Variants in REEP6 observed in about 807,000 individuals in gnomAD.
REEP6 encodes the protein receptor accessory protein 6.
A neutral mutation model predicts 22.4 loss-of-function variants in REEP6; 19 were observed. The observed-to-expected ratio is 0.85, with a 90% CI of 0.59 to 1.25. REEP6 has a LOEUF of 1.25. Ranked by LOEUF, REEP6 falls within the 50% of genes most tolerant of loss-of-function variation. REEP6 has a pLI of 0.00. For synonymous variants in REEP6, 121 were observed against 113.6 expected (o/e 1.06, Z -0.41); for missense variants, 273 against 251.9 (o/e 1.08, Z -0.57).
In REEP6 at chr19:1,491,340, C is replaced by T. The variant is rs1481171337; in HGVS notation, c.71C>T (p.Ala24Val). Residue 24 changes from alanine (A) to valine (V), a missense_variant, in exon 1 of 5, where the codon GCG (alanine) becomes GTG (valine). Transcript: ENST00000233596. This position sits in a 1 kb window ranked among gnomAD's most constrained non-coding sequence, Gnocchi z 5.4. ...QRNLVTEVLGALEAKTGVEKR... is the reference protein window; with the variant it reads ...QRNLVTEVLGVLEAKTGVEKR... ...AACCTGGTCACCGAAGTGCTGGGGG[C>T]GCTGGAGGCCAAGACCGGGGTGGAG... The T allele has an allele frequency of 6.1e-6, 9 of 1,479,744 alleles. No homozygotes were observed. The highest frequency in any genetic ancestry group is 1.5e-5 in the African/African-American group (1 of 67,928). 91.7% of individuals were successfully genotyped at this position (1,479,744 alleles called of 1,614,324 possible). A position where few individuals can be genotyped will look rare whatever the true frequency, so the allele number is the denominator to read the frequency against.
chr19:1,491,279 C>G lies in REEP6; in HGVS notation c.10C>G (p.Leu4Val), dbSNP rs1027951401. Residue 4 changes from leucine (L) to valine (V), a missense_variant, in exon 1 of 5, where the codon CTG becomes GTG. Transcript: ENST00000233596. The surrounding 1 kb of genome is among the most constrained non-coding windows in gnomAD (Gnocchi z 5.4). ...CGGGCGCGTCGGGGCCATGGACGGC[C>G]TGAGGCAGCGCGTGGAGCACTTCCT... is the stretch of plus-strand genomic sequence containing the variant. MDG[L>V]RQRVEHFLEQ... 6.8e-7 allele frequency: 1 copy of G among 1,470,156 alleles called. No homozygotes were observed. The highest frequency in any genetic ancestry group is 1.3e-5 in the South Asian group (1 of 75,176). The allele number at this position is 1,470,156 out of a possible 1,614,324, so 91.1% of individuals were successfully genotyped here.
chr19:1,497,828 C>T lies in REEP6; in HGVS notation c.*617C>T, dbSNP rs2085023022. 1 of 470,698 alleles carries T rather than the reference C, an allele frequency of 2.1e-6. No homozygotes were observed. Among genetic ancestry groups the T allele is most frequent in the South Asian group, 1.5e-5 (1 of 64,568 alleles). The allele number at this position is 470,698 out of a possible 1,614,324, so 29.2% of individuals were successfully genotyped here. A position where few individuals can be genotyped will look rare whatever the true frequency, so the allele number is the denominator to read the frequency against. ...CTTCGGAGTCCACCACCGAGATCAC[C>T]TGCAGCTGGCCACACCACAGGCCCC... On this transcript the variant is annotated 3_prime_UTR_variant, in exon 5 of 5. Coordinates refer to ENST00000233596, the MANE Select transcript of REEP6 (RefSeq NM_138393.4). This position sits in a 1 kb window ranked among gnomAD's most constrained non-coding sequence, Gnocchi z 6.5.
chr19:1,495,783 C>T, intron 3 of REEP6, 176 bp downstream of exon 3: 1 of 793,070 alleles, frequency 1.3e-6, no homozygotes, highest in Non-Finnish European at 2.0e-6. Context: ...AGGGCCCACC[C>T]TGAAGGGTGT....
intron 1 of REEP6, among the ~76,000 whole-genome samples, chr19:1,494,599 C>G (rs2084990638): frequency 6.6e-6 from 1 of 152,210 alleles, no homozygotes. Context: ...GCCTGGCCTC[C>G]CTTGCAGGTT....
chr19:1,492,764 G>A (rs1599269322), intron 1 of REEP6, among the ~76,000 whole-genome samples: 2 of 152,280 alleles, frequency 1.3e-5, no homozygotes, highest in Non-Finnish European at 1.5e-5. Flanking sequence ...CCATCTGGGG[G>A]TTCCCATGCC....
At chr19:1,495,880 C>T (rs1405877020) in intron 3 of REEP6, 4 of 577,232 alleles carry the variant, frequency 6.9e-6, no homozygotes, top group East Asian at 2.9e-5. Flanking sequence ...GGAGGGCCCA[C>T]CCTGAAGGGT....
chr19:1,495,605 A>T lies in REEP6; in HGVS notation c.346A>T (p.Lys116Ter). Reference protein sequence around the residue: ...LSWFPFYYVGKCAFLLFCMAP... With the variant: ...LSWFPFYYVG ...CTGGTTCCCTTTCTACTACGTGGGC[A>T]AGGTGGGCCCTGCCAGGGCGGGCAC... The change falls in exon 3 of 5, where the codon AAG (lysine) becomes TAG (stop). Residue 116 changes from lysine to a stop codon, truncating the protein, a stop_gained and splice_region_variant. Coordinates refer to ENST00000233596, the MANE Select transcript of REEP6 (RefSeq NM_138393.4). LOFTEE classifies it high-confidence loss of function. 1 of 1,614,018 alleles carries T rather than the reference A, an allele frequency of 6.2e-7. No individual in the cohort carries two copies. The highest frequency in any genetic ancestry group is 8.5e-7 in the Non-Finnish European group (1 of 1,179,994).
Position 1,497,036 on chromosome 19 carries a change from A to G in REEP6, c.518-138A>G, listed in dbSNP as rs1029942510. ...CCATGAAAGCCTCTGTGTGGTTGAC[A>G]CCATCTCTGCTGAGGGTGGCTGCCC... On this transcript the variant is annotated intron_variant, in intron 4 of 4. Transcript: ENST00000233596. This position sits in a 1 kb window ranked among gnomAD's most constrained non-coding sequence, Gnocchi z 6.5. 32 of 664,612 alleles carry G rather than the reference A, an allele frequency of 4.8e-5. No individual in the cohort carries two copies. The highest frequency in any genetic ancestry group is 1.6e-4 in the South Asian group (8 of 49,512). The allele number at this position is 664,612 out of a possible 1,614,324, so 41.2% of individuals were successfully genotyped here. A position where few individuals can be genotyped will look rare whatever the true frequency, so the allele number is the denominator to read the frequency against.
At position 1,491,387 on chromosome 19, in the gene REEP6, G is replaced by A; in HGVS notation, c.115+3G>A. The A allele has an allele frequency of 6.9e-7, 1 of 1,442,422 alleles. No individual in the cohort carries two copies. The highest frequency in any genetic ancestry group is 9.1e-7 in the Non-Finnish European group (1 of 1,097,728). 89.4% of individuals were successfully genotyped at this position (1,442,422 alleles called of 1,614,324 possible). A position where few individuals can be genotyped will look rare whatever the true frequency, so the allele number is the denominator to read the frequency against. Reference sequence around the variant, plus strand: ...GGAGAAGCGGTATCTGGCTGCAGGTGAGCCGTCGGCGCTAGCCCGTTTCGC... The same window carrying A: ...GGAGAAGCGGTATCTGGCTGCAGGTAAGCCGTCGGCGCTAGCCCGTTTCGC... On this transcript the variant is annotated splice_donor_region_variant and intron_variant, in intron 1 of 4. Transcript: ENST00000233596. The surrounding 1 kb of genome is among the most constrained non-coding windows in gnomAD (Gnocchi z 5.4).
intron 1 of REEP6, among the ~76,000 whole-genome samples, chr19:1,493,440 G>A (rs1412689204): frequency 1.3e-5 from 2 of 152,084 alleles, no homozygotes; most frequent in East Asian, 3.9e-4. Context: ...GGAGGGGCTG[G>A]GGGGACTTGG....
In REEP6 at chr19:1,497,082, T is replaced by C. The variant is rs1227681534; in HGVS notation, c.518-92T>C. ...TGCCCGGCCCCTCGACTTGTCATGC[T>C]CATAGCCAGTAGCCTCAGTCCCGCC... On this transcript the variant is annotated intron_variant, in intron 4 of 4. Transcript: ENST00000233596. The surrounding 1 kb of genome is among the most constrained non-coding windows in gnomAD (Gnocchi z 6.5). 1 of 1,089,286 alleles carries C rather than the reference T, an allele frequency of 9.2e-7. No homozygotes were observed. The allele number at this position is 1,089,286 out of a possible 1,614,324, so 67.5% of individuals were successfully genotyped here. A position where few individuals can be genotyped will look rare whatever the true frequency, so the allele number is the denominator to read the frequency against.
At position 1,491,402 on chromosome 19, in the gene REEP6, G is replaced by A; in HGVS notation, c.115+18G>A. On this transcript the variant is annotated intron_variant, in intron 1 of 4. Transcript: ENST00000233596. This position sits in a 1 kb window ranked among gnomAD's most constrained non-coding sequence, Gnocchi z 5.4. ...GGCTGCAGGTGAGCCGTCGGCGCTA[G>A]CCCGTTTCGCCGACGGGCACACCGA... is the stretch of plus-strand genomic sequence containing the variant. 7.2e-7 allele frequency: 1 copy of A among 1,394,360 alleles called. No homozygotes were observed. Among genetic ancestry groups the A allele is most frequent in the South Asian group, 1.6e-5 (1 of 63,210 alleles). 86.4% of individuals were successfully genotyped at this position (1,394,360 alleles called of 1,614,324 possible).
At position 1,491,478 on chromosome 19, in the gene REEP6, C is replaced by A; in HGVS notation, c.115+94C>A. 1.2e-6 allele frequency: 1 copy of A among 854,722 alleles called. No individual in the cohort carries two copies. Among genetic ancestry groups the A allele is most frequent in the Non-Finnish European group, 1.6e-6 (1 of 613,318 alleles). The allele number at this position is 854,722 out of a possible 1,614,324, so 52.9% of individuals were successfully genotyped here. On this transcript the variant is annotated intron_variant, in intron 1 of 4. Transcript: ENST00000233596. This position sits in a 1 kb window ranked among gnomAD's most constrained non-coding sequence, Gnocchi z 5.4. ...CGGACTCCTTCCCCGGCTACGGGGTCCGGTCCGGCCGGTGGAGCGCGCGAG... is the reference window on the plus strand; with the variant it reads ...CGGACTCCTTCCCCGGCTACGGGGTACGGTCCGGCCGGTGGAGCGCGCGAG...
chr19:1,494,227 C>T (rs2145476223), intron 1 of REEP6, among the ~76,000 whole-genome samples: 1 of 152,328 alleles, frequency 6.6e-6, no homozygotes, highest in East Asian at 1.9e-4. Flanking sequence ...GGTGAGTGCA[C>T]ACCCGACCAA....
rs546458456 is a variant in REEP6, at chr19:1,491,221, C to T, written c.-49C>T. On this transcript the variant is annotated 5_prime_UTR_variant, in exon 1 of 5. Transcript: ENST00000233596. The surrounding 1 kb of genome is among the most constrained non-coding windows in gnomAD (Gnocchi z 5.4). ...GGTGCGCGTGCAGCGGGGTGGGTGC[C>T]CTGGTCCGCGGGCGAGCTCGAGCAG... 20 of 1,341,824 alleles carry T rather than the reference C, an allele frequency of 1.5e-5. No individual in the cohort carries two copies. The Admixed American group carries it at 5.4e-4, about 36-fold the overall frequency. The allele number at this position is 1,341,824 out of a possible 1,614,324, so 83.1% of individuals were successfully genotyped here.
rs770395359 is a variant in REEP6 at position 1,497,653 on chromosome 19, C to T, written c.*442C>T. 41 of 483,502 alleles carry T rather than the reference C, an allele frequency of 8.5e-5. No individual in the cohort carries two copies. The highest frequency in any genetic ancestry group is 1.4e-4 in the Non-Finnish European group (34 of 235,634). The allele number at this position is 483,502 out of a possible 1,614,324, so 30.0% of individuals were successfully genotyped here. Reference sequence around the variant, plus strand: ...TCTCCCAGCAGCAGCAACATCCCCACGCAGCCCCCCAGCAAGTCCTCTGGC... The same window carrying T: ...TCTCCCAGCAGCAGCAACATCCCCATGCAGCCCCCCAGCAAGTCCTCTGGC... On this transcript the variant is annotated 3_prime_UTR_variant, in exon 5 of 5. Transcript: ENST00000233596. The surrounding 1 kb of genome is among the most constrained non-coding windows in gnomAD (Gnocchi z 6.5).
At chr19:1,492,681 G>A (rs568414249) in intron 1 of REEP6, among the ~76,000 whole-genome samples, 1 of 152,290 alleles carries the variant, frequency 6.6e-6, no homozygotes, top group African/African-American at 2.4e-5. Flanking sequence ...ATTCTGGGTA[G>A]AGGACAGTGC....
chr19:1,495,198 C>A, intron 1 of REEP6, 96 bp from the exon 2 acceptor site: 1 of 1,164,822 alleles, frequency 8.6e-7, no homozygotes, highest in Non-Finnish European at 1.3e-6. Context: ...GAGGAGGTGA[C>A]GGTTGCAGTC....
chr19:1,496,282 C>T lies in REEP6; in HGVS notation c.349-3C>T. The T allele has an allele frequency of 6.2e-7, 1 of 1,602,046 alleles. No individual in the cohort carries two copies. Among genetic ancestry groups the T allele is most frequent in the South Asian group, 1.1e-5 (1 of 90,934 alleles). ...CGCGTGTAACTCCTGCCCCGCCCTGCAGTGCGCCTTCCTGTTGTTCTGCAT... is the reference window on the plus strand; with the variant it reads ...CGCGTGTAACTCCTGCCCCGCCCTGTAGTGCGCCTTCCTGTTGTTCTGCAT... On this transcript the variant is annotated splice_region_variant and splice_polypyrimidine_tract_variant and intron_variant, in intron 3 of 4. Coordinates refer to ENST00000233596, the MANE Select transcript of REEP6 (RefSeq NM_138393.4).
Sources: allele counts gnomAD v4.1 joint callset (sites outside exome capture counted in the v4.1 genomes callset), GRCh38; gene constraint gnomAD v4.1.1; non-coding constraint Gnocchi (gnomAD v3.1); transcripts MANE v1.5; gene names NCBI Gene and HGNC (gene_info 2026-07-23, HGNC 2026-07-21).